The following LRP1B variants were observed in gnomAD, a reference collection of about 807,000 sequenced individuals.
LRP1B encodes LDL receptor related protein 1B.
LRP1B carries 217 observed loss-of-function variants against 556.6 expected under a neutral mutation model. The observed-to-expected ratio is 0.39, with a 90% confidence interval of 0.35 to 0.44. The LOEUF (loss-of-function observed/expected upper bound fraction) is 0.44, where lower values mean the gene tolerates loss of function less well. LRP1B is among the 20% of genes least tolerant of loss of function. The pLI, the probability that LRP1B is intolerant of heterozygous loss-of-function variation, is 1.00. For missense variants in LRP1B, 5,053 were observed against 5,620.8 expected, an observed-to-expected ratio of 0.90 and a Z score of 3.23; for synonymous variants, 2,047 against 1,865.8, an observed-to-expected ratio of 1.10 and a Z score of -2.50.
intron 41 of LRP1B, among the ~76,000 whole-genome samples, chr2:140,677,108 G>T (rs1685697098): frequency 6.6e-6 from 1 of 152,198 alleles, no homozygotes; most frequent in Non-Finnish European, 1.5e-5. Flanking sequence ...CTGAGAATCA[G>T]GAGGAGAACC....
At chr2:141,371,493 T>C (rs1689229703) in intron 3 of LRP1B, among the ~76,000 whole-genome samples, 1 of 152,218 alleles carries the variant, frequency 6.6e-6, no homozygotes, top group Non-Finnish European at 1.5e-5. Context: ...ATATTAATTC[T>C]TCCAATCCAT....
In LRP1B at chr2:140,702,433, G is replaced by A. The variant is rs762836826; in HGVS notation, c.6144C>T (p.Asp2048=). The A allele has an allele frequency of 1.9e-6, 3 of 1,613,446 alleles. No homozygotes were observed. The highest frequency in any genetic ancestry group is 2.5e-6 in the Non-Finnish European group (3 of 1,179,642). ...GIAWPNGISI[D]YEENKLYWCD... The stretch of plus-strand genomic sequence containing the variant: ...GAAAAGAAATCCAACAGACCTCATA[G>A]TCGATGGAGATGCCATTCGGCCATG... Residue 2048 remains aspartate, a synonymous_variant, in exon 38 of 91, where the codon GAC becomes GAT. Coordinates refer to ENST00000389484, the MANE Select transcript of LRP1B (RefSeq NM_018557.3).
rs1688104259 is a variant in LRP1B at position 141,611,414 on chromosome 2, C to T, written c.206-130881G>A. ...AAAGCAAGTCAAGAAAGGTTGTGTC[C>T]TCCTCCTCACATTTTTTTTGGAAAG... On this transcript the variant is annotated intron_variant, in intron 2 of 90. Coordinates refer to ENST00000389484, the MANE Select transcript of LRP1B (RefSeq NM_018557.3). Among the ~76,000 whole-genome samples, 5 of 152,078 alleles carry T rather than the reference C, an allele frequency of 3.3e-5. No homozygotes were observed. The South Asian group carries it at 1.0e-3, about 31-fold the overall frequency.
chr2:140,267,414 TTG>T (rs1039654110), intron 86 of LRP1B, among the ~76,000 whole-genome samples: 5 of 152,026 alleles, frequency 3.3e-5, no homozygotes, highest in African/African-American at 1.2e-4. Context: ...AAATATGGCA[TTG>T]TGTTTGCATA....
intron 66 of LRP1B, among the ~76,000 whole-genome samples, chr2:140,441,080 T>C (rs918878562): frequency 2.0e-5 from 3 of 152,122 alleles, no homozygotes; most frequent in Admixed American, 1.3e-4. Flanking sequence ...AACATATTTC[T>C]CGGGCCATAT....
intron 23 of LRP1B, among the ~76,000 whole-genome samples, chr2:140,887,271 A>G (rs1252356613): frequency 1.3e-5 from 2 of 152,168 alleles, no homozygotes; most frequent in African/African-American, 4.8e-5. Context: ...TTTTTAAAAT[A>G]AAGAAAATGT....
At chr2:141,026,218 A>G (rs1419348251) in intron 11 of LRP1B, among the ~76,000 whole-genome samples, 2 of 152,096 alleles carry the variant, frequency 1.3e-5, no homozygotes, top group Non-Finnish European at 2.9e-5. Flanking sequence ...TAAATTATTC[A>G]ATCTCTTTCA....
chr2:140,956,970 G>A (rs1695892472), intron 18 of LRP1B, among the ~76,000 whole-genome samples: 1 of 151,684 alleles, frequency 6.6e-6, no homozygotes, highest in Non-Finnish European at 1.5e-5. Context: ...ATACCACCCA[G>A]AGTGAATGAA....
chr2:141,169,560 G>C (rs1680410153), intron 7 of LRP1B, among the ~76,000 whole-genome samples: 1 of 151,642 alleles, frequency 6.6e-6, no homozygotes, highest in South Asian at 2.1e-4. Context: ...AGTGACATGA[G>C]ATACAGAAAT....
chr2:141,145,651 G>A (rs996668626), intron 7 of LRP1B, among the ~76,000 whole-genome samples: 3 of 149,722 alleles, frequency 2.0e-5, no homozygotes, highest in African/African-American at 7.4e-5. Flanking sequence ...CTCCTGCCTC[G>A]GCTTCCCAAG....
At chr2:141,576,245 G>T (rs1384943085) in intron 2 of LRP1B, among the ~76,000 whole-genome samples, 1 of 152,192 alleles carries the variant, frequency 6.6e-6, no homozygotes, top group African/African-American at 2.4e-5. Context: ...ATACTATCCA[G>T]CCATAAAAAG....
At chr2:140,918,258 C>T (rs1694639188) in intron 21 of LRP1B, among the ~76,000 whole-genome samples, 1 of 150,262 alleles carries the variant, frequency 6.7e-6, no homozygotes, top group Admixed American at 6.7e-5. Flanking sequence ...ATTTGAAATA[C>T]TTTTAAGACT....
intron 87 of LRP1B, among the ~76,000 whole-genome samples, chr2:140,244,341 A>C (rs1274350561): frequency 6.6e-6 from 1 of 151,242 alleles, no homozygotes; most frequent in African/African-American, 2.4e-5. Flanking sequence ...TCTTGCCCCT[A>C]TTGTCACTAT....
chr2:140,414,847 C>T (rs1685115574), intron 66 of LRP1B, among the ~76,000 whole-genome samples: 1 of 152,226 alleles, frequency 6.6e-6, no homozygotes, highest in African/African-American at 2.4e-5. Flanking sequence ...GGAAGACAAC[C>T]ATAAGGTCTG....
rs188573773 is a variant in LRP1B at position 140,439,924 on chromosome 2, T to C, written c.10414+2580A>G. 2.5e-3 allele frequency among the ~76,000 whole-genome samples: 387 copies of C among 152,256 alleles called. 3 individuals carry two copies. Among genetic ancestry groups the C allele is most frequent in the African/African-American group, 8.9e-3 (371 of 41,564 alleles). ...GATTATTTTAATTCCCCCCATTATA[T>C]GTATATTTTGTATGTGTTAAGTTAC... is the stretch of plus-strand genomic sequence containing the variant. On this transcript the variant is annotated intron_variant, in intron 66 of 90. Coordinates refer to ENST00000389484, the MANE Select transcript of LRP1B (RefSeq NM_018557.3).
chr2:141,916,348 CTTATTTATTTAT>C (rs61643665), intron 1 of LRP1B, among the ~76,000 whole-genome samples: 4 of 141,896 alleles, frequency 2.8e-5, no homozygotes, highest in South Asian at 2.3e-4. Context: ...CACGTTTTCA[CTTATTTATTTAT>C]TTATTTATTT....
intron 23 of LRP1B, among the ~76,000 whole-genome samples, chr2:140,893,641 G>T (rs1218746213): frequency 6.6e-6 from 1 of 152,142 alleles, no homozygotes; most frequent in Non-Finnish European, 1.5e-5. Flanking sequence ...TATTTTAGGT[G>T]TTGGGTAAAT....
chr2:141,967,067 C>A (rs1435960740), intron 1 of LRP1B, among the ~76,000 whole-genome samples: 1 of 151,878 alleles, frequency 6.6e-6, no homozygotes, highest in Non-Finnish European at 1.5e-5. Flanking sequence ...TCTCCAACTT[C>A]TTCTTATCTC....
intron 35 of LRP1B, among the ~76,000 whole-genome samples, chr2:140,759,105 A>G (rs972626316): frequency 3.3e-5 from 5 of 152,152 alleles, no homozygotes; most frequent in Non-Finnish European, 7.4e-5. Context: ...TTTTTTGCTC[A>G]AACTATTCAA....
Sources: allele counts gnomAD v4.1 joint callset (sites outside exome capture counted in the v4.1 genomes callset), GRCh38; gene constraint gnomAD v4.1.1; transcripts MANE v1.5; gene names NCBI Gene and HGNC (gene_info 2026-07-23, HGNC 2026-07-21).